PRRT4: variants seen among roughly 807,000 people sequenced by gnomAD.
PRRT4 encodes proline rich transmembrane protein 4.
Under a neutral mutation model 55.6 loss-of-function variants are expected in PRRT4, and 59 were observed. That is an observed-to-expected ratio of 1.06 (90% CI 0.86 to 1.32). The LOEUF (loss-of-function observed/expected upper bound fraction) is 1.32. Among genes scored for constraint, PRRT4 ranks in the 40% most tolerant of loss-of-function variants. The pLI, the probability that PRRT4 is intolerant of heterozygous loss-of-function variation, is 0.00. For synonymous variants in PRRT4, 606 were observed against 601.8 expected, an observed-to-expected ratio of 1.01 and a Z score of -0.10; for missense variants, 1,217 against 1,222.0, an observed-to-expected ratio of 1.00 and a Z score of 0.06.
In PRRT4 at chr7:128,351,184, G is replaced by A. The variant is rs1246422177; in HGVS notation, c.2372C>T (p.Ser791Phe). Residue 791 changes from serine (S) to phenylalanine (F), a missense_variant, in exon 5 of 5, where the codon TCC (serine) becomes TTC (phenylalanine). Coordinates refer to ENST00000535159, the Ensembl canonical transcript of PRRT4. ...GCTGCCTGCGGGCCAAGCCCCAGGG[G>A]AGGGGAGCTCCGGGGGCGCAGCGGG... The A allele has an allele frequency of 2.6e-6, 4 of 1,543,448 alleles. No individual in the cohort carries two copies. The African/African-American group carries it at 5.5e-5, about 21-fold the overall frequency.
At chr7:128,359,124 G>T (rs1161282130) in intron 3 of PRRT4, 25 bp downstream of exon 4, 20 of 1,546,910 alleles carry the variant, frequency 1.3e-5, no homozygotes, top group Middle Eastern at 3.3e-4. Flanking sequence ...TTCCACAATA[G>T]TTTATTGCAA....
At chr7:128,352,069 A>T in exon 5 of PRRT4, 1 of 1,196,214 alleles carries the variant, frequency 8.4e-7, no homozygotes, top group Non-Finnish European at 1.0e-6. Context: ...GCGCGAGGCG[A>T]GCCGCAGGGG....
chr7:128,359,791 C>T lies in PRRT4; in HGVS notation c.201G>A (p.Trp67Ter). ...GCTGGGTCTCTGTGACTGGGCTCCC[C>T]CAGACAGCAGCAGGTCCCCGAAGAT... The change falls in exon 2 of 5, where the codon TGG (tryptophan) becomes TGA (stop). Residue 67 changes from tryptophan to a stop codon, truncating the protein, a stop_gained. Coordinates refer to ENST00000535159, the Ensembl canonical transcript of PRRT4. LOFTEE classifies it high-confidence loss of function. The T allele has an allele frequency of 6.5e-7, 1 of 1,537,542 alleles. No homozygotes were observed. The highest frequency in any genetic ancestry group is 8.8e-7 in the Non-Finnish European group (1 of 1,140,246).
chr7:128,354,876 T>C (rs1192084333), intron 4 of PRRT4, among the ~76,000 whole-genome samples: 2 of 152,192 alleles, frequency 1.3e-5, no homozygotes, highest in Non-Finnish European at 2.9e-5. Flanking sequence ...TGCATAGGAC[T>C]GTTGTGAGAA....
exon 5 of PRRT4, chr7:128,351,506 C>G (rs1796968278): frequency 1.3e-6 from 2 of 1,500,394 alleles, no homozygotes; most frequent in Non-Finnish European, 1.8e-6. Flanking sequence ...AGGTCTGGGC[C>G]TGGCCCTGCC....
At chr7:128,353,680 G>A (rs1051310343) in intron 4 of PRRT4, among the ~76,000 whole-genome samples, 20 of 152,150 alleles carry the variant, frequency 1.3e-4, no homozygotes, top group African/African-American at 4.8e-4. Flanking sequence ...TGTACGGAAG[G>A]TGACATTGAG....
exon 3 of PRRT4, chr7:128,359,231 G>A (rs1286968093): frequency 6.4e-7 from 1 of 1,551,678 alleles, no homozygotes; most frequent in East Asian, 2.4e-5. Context: ...TCCGGAGTGG[G>A]GACAGAGTAG....
At chr7:128,350,796 T>C, downstream of PRRT4, 2 of 1,534,704 alleles carry the variant, frequency 1.3e-6, no homozygotes, top group Non-Finnish European at 1.8e-6. Context: ...AGTGTGCAGG[T>C]CTCGGGCAGG....
At chr7:128,352,287 C>A (rs1318082050) in exon 5 of PRRT4, 1 of 1,543,660 alleles carries the variant, frequency 6.5e-7, no homozygotes, top group Admixed American at 2.0e-5. Context: ...GATCCCTGTG[C>A]CCATAGGCGT....
At chr7:128,354,755 A>T (rs1797078528) in intron 4 of PRRT4, among the ~76,000 whole-genome samples, 1 of 152,212 alleles carries the variant, frequency 6.6e-6, no homozygotes, top group Admixed American at 6.5e-5. Context: ...GCAGAAAGGA[A>T]GCAGCCAAAA....
chr7:128,351,300 G>C, exon 5 of PRRT4: 1 of 1,543,558 alleles, frequency 6.5e-7, no homozygotes. Context: ...GAGCGTCCTC[G>C]AAGGCAGGGC....
At position 128,361,590 on chromosome 7, in the gene PRRT4, A is replaced by C. The variant is rs1211692173; in HGVS notation, c.-102T>G. 7.3e-5 allele frequency: 11 copies of C among 151,578 alleles called. No individual in the cohort carries two copies. The East Asian group carries it at 1.2e-3, about 16-fold the overall frequency. The allele number at this position is 151,578 out of a possible 1,614,324, so 9.4% of individuals were successfully genotyped here. ...CGGGCGGCCAGGCCCCGCGCTCCGC[A>C]CTCCGCACTCCGCGCTCCCTCCCAG... is the stretch of plus-strand genomic sequence containing the variant. On this transcript the variant is annotated 5_prime_UTR_variant, in exon 1 of 5. Coordinates refer to ENST00000535159, the Ensembl canonical transcript of PRRT4.
At chr7:128,351,967 A>G in exon 5 of PRRT4, 3 of 1,301,466 alleles carry the variant, frequency 2.3e-6, no homozygotes, top group Non-Finnish European at 2.9e-6. Context: ...CGACCCTCCC[A>G]GGGGCGCCCC....
chr7:128,350,677 T>A (rs1796935953), downstream of PRRT4: 1 of 980,160 alleles, frequency 1.0e-6, no homozygotes, highest in Admixed American at 2.9e-5. Context: ...AAGGTGGCAC[T>A]GATTCCCAAT....
At chr7:128,351,696 G>C in exon 5 of PRRT4, 1 of 1,505,468 alleles carries the variant, frequency 6.6e-7, no homozygotes. Flanking sequence ...GCGCCGGGTA[G>C]AGGCCCAGCA....
At chr7:128,355,965 A>T (rs1489209861) in intron 4 of PRRT4, among the ~76,000 whole-genome samples, 3 of 152,152 alleles carry the variant, frequency 2.0e-5, no homozygotes, top group African/African-American at 7.2e-5. Context: ...AAATTTCAAC[A>T]TTCATAAGAA....
At chr7:128,356,082 A>T (rs1343071802) in intron 4 of PRRT4, among the ~76,000 whole-genome samples, 1 of 152,044 alleles carries the variant, frequency 6.6e-6, no homozygotes, top group African/African-American at 2.4e-5. Context: ...AACATGGTGA[A>T]ACCCGACTCT....
At position 128,358,643 on chromosome 7, in the gene PRRT4, A is replaced by G. The variant is rs1416060022; in HGVS notation, c.877+38T>C. On this transcript the variant is annotated intron_variant, in intron 4 of 4. Coordinates refer to ENST00000535159, the Ensembl canonical transcript of PRRT4. This position sits in a 1 kb window ranked among gnomAD's most constrained non-coding sequence, Gnocchi z 4.4. Reference sequence around the variant, plus strand: ...GTGACTAGCATGTAGTAAGTGCTCAATAAATAATTGTCAAGTTCAAATGAA... The same window carrying G: ...GTGACTAGCATGTAGTAAGTGCTCAGTAAATAATTGTCAAGTTCAAATGAA... 1 of 1,540,830 alleles carries G rather than the reference A, an allele frequency of 6.5e-7. No homozygotes were observed. The highest frequency in any genetic ancestry group is 1.2e-5 in the South Asian group (1 of 83,814).
At chr7:128,357,133 T>G (rs1797126885) in intron 4 of PRRT4, among the ~76,000 whole-genome samples, 1 of 151,880 alleles carries the variant, frequency 6.6e-6, no homozygotes, top group African/African-American at 2.4e-5. Flanking sequence ...AGTCAAAGGT[T>G]AGTTGCACTT....
Sources: allele counts gnomAD v4.1 joint callset (sites outside exome capture counted in the v4.1 genomes callset), GRCh38; gene constraint gnomAD v4.1.1; non-coding constraint Gnocchi (gnomAD v3.1); transcripts MANE v1.5; gene names NCBI Gene and HGNC (gene_info 2026-07-23, HGNC 2026-07-21).